Variants in MMP24 observed in about 807,000 individuals in gnomAD.
MMP24 encodes the protein matrix metallopeptidase 24.
Under a neutral mutation model 62.8 loss-of-function variants are expected in MMP24, and 25 were observed. The ratio of observed to expected loss-of-function variants is 0.40; its 90% CI spans 0.29 to 0.56. The LOEUF is 0.56. Among genes scored for constraint, MMP24 ranks in the 20% least tolerant of loss-of-function variants. The pLI is 0.50. For missense variants in MMP24, 634 were observed against 853.6 expected (o/e 0.74, Z 3.21); for synonymous variants, 319 against 350.5 (o/e 0.91, Z 1.00).
intron 2 of MMP24, 37 bp from the exon 3 acceptor site, chr20:35,251,868 G>T (rs766729066): frequency 6.6e-7 from 1 of 1,516,416 alleles, no homozygotes. Context: ...AGTGACCACA[G>T]TGCATATGCG....
intron 4 of MMP24, among the ~76,000 whole-genome samples, chr20:35,261,414 G>A (rs1340469647): frequency 6.6e-6 from 1 of 152,226 alleles, no homozygotes; most frequent in Non-Finnish European, 1.5e-5. Flanking sequence ...GGTGAGGTAG[G>A]TCTGATGCCC....
intron 2 of MMP24, among the ~76,000 whole-genome samples, chr20:35,248,211 G>A (rs536301966): frequency 1.6e-4 from 25 of 151,998 alleles, no homozygotes; most frequent in Admixed American, 4.6e-4. Flanking sequence ...TTTGACGTAA[G>A]TCACTCCTGG....
In MMP24 at chr20:35,271,791, G is replaced by A; in HGVS notation, c.1556G>A (p.Gly519Asp). The part of the protein sequence containing the change: ...GYPKPITVWK[G>D]IPQAPQGAFI... Reference sequence around the variant, plus strand: ...CCTAAGCCCATCACCGTGTGGAAGGGCATCCCACAGGCTCCCCAAGGAGCC... The same window carrying A: ...CCTAAGCCCATCACCGTGTGGAAGGACATCCCACAGGCTCCCCAAGGAGCC... Residue 519 changes from glycine (G) to aspartate (D), a missense_variant, in exon 8 of 9, where the codon GGC (glycine) becomes GAC (aspartate). By Grantham distance (94) the Gly-to-Asp change is moderately conservative. Around this residue, in one of 3 missense-constraint regions of MMP24, gnomAD observed 399 missense variants for 530.8 expected, o/e 0.75. Transcript: ENST00000246186. The surrounding 1 kb of genome is among the most constrained non-coding windows in gnomAD (Gnocchi z 4.0). 6.2e-7 allele frequency: 1 copy of A among 1,608,108 alleles called. No individual in the cohort carries two copies. Among genetic ancestry groups the A allele is most frequent in the Non-Finnish European group, 8.5e-7 (1 of 1,177,850 alleles).
At chr20:35,247,025 C>CCA (rs1166607932) in intron 2 of MMP24, 37 bp downstream of exon 2, 1 of 1,611,368 alleles carries the variant, frequency 6.2e-7, no homozygotes, top group East Asian at 2.2e-5. Flanking sequence ...TTTGAACTTT[C>CCA]TGGACTTACA....
In MMP24 at chr20:35,273,084, C is replaced by T. The variant is rs189363698; in HGVS notation, c.1601-1188C>T. 3.9e-5 allele frequency among the ~76,000 whole-genome samples: 6 copies of T among 152,192 alleles called. No homozygotes were observed. The East Asian group carries it at 9.7e-4, about 25-fold the overall frequency. ...CGTAGCAGTCAACAGGACTTGCAGACGTCCAAGTCTAGGGGCATAAAGCAA... is the reference window on the plus strand; with the variant it reads ...CGTAGCAGTCAACAGGACTTGCAGATGTCCAAGTCTAGGGGCATAAAGCAA... On this transcript the variant is annotated intron_variant, in intron 8 of 8. Transcript: ENST00000246186.
chr20:35,226,729 C>T lies in MMP24; in HGVS notation c.-10C>T. ...AGGCAGGCGGGCCGGGCGCGGGCCC[C>T]GCCGCCGGGATGCCGAGGAGCCGGG... On this transcript the variant is annotated 5_prime_UTR_variant, in exon 1 of 9. Coordinates refer to ENST00000246186, the MANE Select transcript of MMP24 (RefSeq NM_006690.4). 8.3e-6 allele frequency: 1 copy of T among 121,156 alleles called. No individual in the cohort carries two copies. The allele number at this position is 121,156 out of a possible 1,614,324, so 7.5% of individuals were successfully genotyped here. A position where few individuals can be genotyped will look rare whatever the true frequency, so the allele number is the denominator to read the frequency against.
At chr20:35,242,946 G>C (rs1012532359) in intron 1 of MMP24, among the ~76,000 whole-genome samples, 1 of 152,176 alleles carries the variant, frequency 6.6e-6, no homozygotes, top group African/African-American at 2.4e-5. Context: ...GGGAGGCCAA[G>C]GCAGGTGTAT....
At chr20:35,233,094 C>G (rs1487039322) in intron 1 of MMP24, among the ~76,000 whole-genome samples, 4 of 152,150 alleles carry the variant, frequency 2.6e-5, no homozygotes, top group African/African-American at 9.7e-5. Context: ...CAAACACTTA[C>G]GAGGCATAAA....
intron 2 of MMP24, 75 bp downstream of exon 2, chr20:35,247,063 G>A: frequency 6.5e-7 from 1 of 1,535,192 alleles, no homozygotes; most frequent in Middle Eastern, 1.7e-4. Context: ...CATGGCCTGT[G>A]TACACCCCAT....
Position 35,274,861 on chromosome 20 carries a change from G to C in MMP24, c.*252G>C, listed in dbSNP as rs1176176877. On this transcript the variant is annotated 3_prime_UTR_variant, in exon 9 of 9. Coordinates refer to ENST00000246186, the MANE Select transcript of MMP24 (RefSeq NM_006690.4). The surrounding 1 kb of genome is among the most constrained non-coding windows in gnomAD (Gnocchi z 5.1). ...TGGGCAAACTACTCCCTACTTAAGG[G>C]AATAGGCCAGGCTCCATCCGGAGGC... 3.8e-6 allele frequency: 2 copies of C among 527,770 alleles called. No individual in the cohort carries two copies. The highest frequency in any genetic ancestry group is 6.8e-6 in the Non-Finnish European group (2 of 295,558). The allele number at this position is 527,770 out of a possible 1,614,324, so 32.7% of individuals were successfully genotyped here. A position where few individuals can be genotyped will look rare whatever the true frequency, so the allele number is the denominator to read the frequency against.
chr20:35,268,871 T>G (rs2425039), intron 6 of MMP24, among the ~76,000 whole-genome samples: 1 of 151,536 alleles, frequency 6.6e-6, no homozygotes, highest in African/African-American at 2.4e-5. Context: ...ACTAAAAATA[T>G]AAAAAATTAG....
intron 6 of MMP24, 100 bp downstream of exon 6, chr20:35,267,519 T>A: frequency 7.9e-7 from 1 of 1,259,184 alleles, no homozygotes; most frequent in Non-Finnish European, 1.1e-6. Context: ...GGGATTCGAT[T>A]ACAATGGGGC....
intron 6 of MMP24, among the ~76,000 whole-genome samples, chr20:35,268,421 A>G (rs966054213): frequency 5.3e-5 from 8 of 152,196 alleles, no homozygotes; most frequent in Non-Finnish European, 1.2e-4. Flanking sequence ...CCCAGCACGC[A>G]CTGAGCACTG....
intron 1 of MMP24, among the ~76,000 whole-genome samples, chr20:35,237,948 A>G (rs145609646): frequency 3.3e-4 from 50 of 152,338 alleles, no homozygotes; most frequent in African/African-American, 1.2e-3. Flanking sequence ...AAACTGAGGG[A>G]AAAAACCCAG....
rs1422810610 is a variant in MMP24 at position 35,226,929 on chromosome 20, C to T, written c.191C>T (p.Ala64Val). 7 of 979,812 alleles carry T rather than the reference C, an allele frequency of 7.1e-6. No individual in the cohort carries two copies. The highest frequency in any genetic ancestry group is 8.5e-6 in the Non-Finnish European group (7 of 827,816). 60.7% of individuals were successfully genotyped at this position (979,812 alleles called of 1,614,324 possible). Reference sequence around the variant, plus strand: ...GCGGCGGGGGCAGGGAACCGGGCAGCGGTGGCGGTGGCGGTGGCGCGGGCG... The same window carrying T: ...GCGGCGGGGGCAGGGAACCGGGCAGTGGTGGCGGTGGCGGTGGCGCGGGCG... Reference protein sequence around the residue: ...AAAAGAGNRAAVAVAVARADE... With the variant: ...AAAAGAGNRAVVAVAVARADE... Residue 64 changes from alanine (A) to valine (V), a missense_variant, in exon 1 of 9, where the codon GCG (alanine) becomes GTG (valine). Coordinates refer to ENST00000246186, the MANE Select transcript of MMP24 (RefSeq NM_006690.4).
intron 6 of MMP24, among the ~76,000 whole-genome samples, chr20:35,267,734 G>C (rs945951936): frequency 6.6e-6 from 1 of 152,228 alleles, no homozygotes; most frequent in Non-Finnish European, 1.5e-5. Flanking sequence ...AAACCTGGGG[G>C]AGTCATTCCT....
At chr20:35,272,193 G>T in intron 8 of MMP24, 1 of 427,340 alleles carries the variant, frequency 2.3e-6, no homozygotes, top group South Asian at 8.0e-5. Flanking sequence ...CTTTTTCACA[G>T]GGCTCGAGGG....
At chr20:35,250,121 T>A (rs1479071827) in intron 2 of MMP24, among the ~76,000 whole-genome samples, 1 of 152,026 alleles carries the variant, frequency 6.6e-6, no homozygotes, top group Non-Finnish European at 1.5e-5. Context: ...CCTGGCTAAT[T>A]TTTTGTATCT....
intron 4 of MMP24, 147 bp from the exon 5 acceptor site, chr20:35,263,644 T>G (rs945720147): frequency 1.4e-5 from 8 of 582,250 alleles, no homozygotes. Flanking sequence ...GAGGCAGGGG[T>G]TGTGCCTGAT....
Sources: gnomAD v4.1 joint callset for allele counts (sites outside exome capture counted in the v4.1 genomes callset) on GRCh38, gnomAD v4.1.1 for gene constraint, gnomAD v4.1.1 regional missense constraint, Gnocchi (gnomAD v3.1) non-coding constraint, MANE v1.5 for transcripts, NCBI Gene and HGNC (gene_info 2026-07-23, HGNC 2026-07-21) for gene names.